RBMS3: variants seen among roughly 807,000 people sequenced by gnomAD.
RBMS3 encodes the protein RNA binding motif single stranded interacting protein 3.
In RBMS3, 27 loss-of-function variants were observed where a neutral mutation model predicts 66.8. That is an observed-to-expected ratio of 0.40 (90% CI 0.30 to 0.56). RBMS3 has a LOEUF of 0.56. Ranked by LOEUF, RBMS3 falls within the 20% of genes least tolerant of loss-of-function variation. The probability of loss-of-function intolerance (pLI) is 0.40; values close to 1 mark genes in which losing one functional copy is unlikely to be tolerated. For synonymous variants in RBMS3, 188 were observed against 183.0 expected, an observed-to-expected ratio of 1.03 and a Z score of -0.22; for missense variants, 513 against 549.5, an observed-to-expected ratio of 0.93 and a Z score of 0.66.
chr3:29,635,335 C>G (rs969777463), intron 4 of RBMS3, among the ~76,000 whole-genome samples: 1 of 151,874 alleles, frequency 6.6e-6, no homozygotes, highest in African/African-American at 2.4e-5. Context: ...GCAGCCTTCC[C>G]CATCTCAGTT....
intron 4 of RBMS3, among the ~76,000 whole-genome samples, chr3:29,624,212 G>A (rs1024030381): frequency 3.9e-5 from 6 of 152,124 alleles, no homozygotes; most frequent in African/African-American, 1.2e-4. Flanking sequence ...TTTTAAGAAA[G>A]CACTTTTAAA....
At chr3:29,986,964 C>G (rs985105235) in intron 12 of RBMS3, among the ~76,000 whole-genome samples, 1 of 152,002 alleles carries the variant, frequency 6.6e-6, no homozygotes, top group Non-Finnish European at 1.5e-5. Flanking sequence ...AAAACAACAA[C>G]AACAAAGAAA....
intron 3 of RBMS3, among the ~76,000 whole-genome samples, chr3:29,545,499 A>T (rs924136675): frequency 6.6e-6 from 1 of 152,182 alleles, no homozygotes; most frequent in East Asian, 1.9e-4. Flanking sequence ...ATAATCTTAC[A>T]TGTTGTTAAT....
intron 6 of RBMS3, among the ~76,000 whole-genome samples, chr3:29,813,970 A>G (rs2057800637): frequency 6.6e-6 from 1 of 151,878 alleles, no homozygotes; most frequent in African/African-American, 2.4e-5. Flanking sequence ...AATACCCTTT[A>G]TTTCCTTCTC....
rs1032002235 is a variant in RBMS3 at position 29,510,565 on chromosome 3, C to T, written c.307+22066C>T. ...TTGAGACCAGAAGTATTTCAGATTT[C>T]AGATTTTTTTTTCAAATCATGGAAT... On this transcript the variant is annotated intron_variant, in intron 3 of 14. Coordinates refer to ENST00000383767, the MANE Select transcript of RBMS3 (RefSeq NM_001003793.3). 8.0e-4 allele frequency among the ~76,000 whole-genome samples: 120 copies of T among 149,826 alleles called. 1 individual carries two copies. The highest frequency in any genetic ancestry group is 2.4e-4 in the Non-Finnish European group (16 of 67,818).
intron 10 of RBMS3, among the ~76,000 whole-genome samples, chr3:29,917,212 C>T (rs1210490040): frequency 6.6e-6 from 1 of 152,026 alleles, no homozygotes; most frequent in African/African-American, 2.4e-5. Context: ...ACTAAAAATG[C>T]TATGGCAAAT....
intron 1 of RBMS3, among the ~76,000 whole-genome samples, chr3:29,393,846 C>T (rs116218948): frequency 0.13 from 20,409 of 151,734 alleles, 1,708 homozygotes; most frequent in East Asian, 0.35. Flanking sequence ...GAGGTGGGTA[C>T]GAGCAGGGAG....
chr3:29,717,157 G>C (rs1026179484), intron 4 of RBMS3, among the ~76,000 whole-genome samples: 1 of 151,940 alleles, frequency 6.6e-6, no homozygotes, highest in South Asian at 2.1e-4. Flanking sequence ...CTGCAAAATA[G>C]TGATGACAAT....
At chr3:29,965,757 G>T (rs1344037514) in intron 12 of RBMS3, among the ~76,000 whole-genome samples, 1 of 152,006 alleles carries the variant, frequency 6.6e-6, no homozygotes, top group Non-Finnish European at 1.5e-5. Flanking sequence ...CTTTATCTTT[G>T]TTTTTATTGC....
At chr3:29,999,983 G>A (rs892829323) in intron 14 of RBMS3, among the ~76,000 whole-genome samples, 1 of 151,740 alleles carries the variant, frequency 6.6e-6, no homozygotes, top group Non-Finnish European at 1.5e-5. Context: ...ATAGGCATGG[G>A]CAAAGACTTC....
intron 1 of RBMS3, among the ~76,000 whole-genome samples, chr3:29,364,411 G>A (rs921910089): frequency 1.3e-5 from 2 of 152,080 alleles, no homozygotes; most frequent in Non-Finnish European, 2.9e-5. Flanking sequence ...GCTTCCAGGG[G>A]TTTTATCATA....
intron 8 of RBMS3, among the ~76,000 whole-genome samples, chr3:29,889,637 T>C (rs1010598636): frequency 6.6e-6 from 1 of 151,732 alleles, no homozygotes; most frequent in Non-Finnish European, 1.5e-5. Flanking sequence ...TGTTGCCCTA[T>C]GTTTGGCCTT....
At position 29,513,415 on chromosome 3, in the gene RBMS3, T is replaced by G. The variant is rs58072202; in HGVS notation, c.307+24916T>G. Among the ~76,000 whole-genome samples the G allele has an allele frequency of 9.8e-3, 1,497 of 152,282 alleles. 25 individuals carry two copies. Among genetic ancestry groups the G allele is most frequent in the African/African-American group, 0.034 (1,407 of 41,552 alleles). On this transcript the variant is annotated intron_variant, in intron 3 of 14. Transcript: ENST00000383767. The stretch of plus-strand genomic sequence containing the variant: ...TTTTATTTCCTCTGTGAACGATATC[T>G]CTGCAACTGAGATGAACCATTCCAA...
chr3:29,655,050 A>G (rs2050277658), intron 4 of RBMS3, among the ~76,000 whole-genome samples: 1 of 152,130 alleles, frequency 6.6e-6, no homozygotes, highest in Non-Finnish European at 1.5e-5. Flanking sequence ...TTTATTCTGT[A>G]GCCTCTTCCC....
intron 1 of RBMS3, among the ~76,000 whole-genome samples, chr3:29,283,679 G>T (rs934787845): frequency 6.6e-6 from 1 of 152,122 alleles, no homozygotes; most frequent in Non-Finnish European, 1.5e-5. Flanking sequence ...TCCATTAGGC[G>T]TCCTATGTTG....
chr3:29,744,613 C>T lies in RBMS3; in HGVS notation c.557+4736C>T, dbSNP rs757633339. On this transcript the variant is annotated intron_variant, in intron 5 of 14. Coordinates refer to ENST00000383767, the MANE Select transcript of RBMS3 (RefSeq NM_001003793.3). ...CCTGGCCAACATAGCGAAACCTCAT[C>T]GCTACTAAAAATACAAAAAAATTAG... Among the ~76,000 whole-genome samples the T allele has an allele frequency of 1.1e-4, 17 of 152,176 alleles. No homozygotes were observed. The East Asian group carries it at 1.7e-3, about 16-fold the overall frequency.
intron 2 of RBMS3, among the ~76,000 whole-genome samples, chr3:29,437,557 T>C (rs1046641505): frequency 6.6e-6 from 1 of 152,188 alleles, no homozygotes; most frequent in African/African-American, 2.4e-5. Context: ...TGTAAAAGTG[T>C]TTGTGGGTTC....
intron 1 of RBMS3, among the ~76,000 whole-genome samples, chr3:29,394,403 A>G (rs2039451445): frequency 6.6e-6 from 1 of 152,150 alleles, no homozygotes; most frequent in Non-Finnish European, 1.5e-5. Flanking sequence ...TTTACAAACA[A>G]TTTATATGGA....
At chr3:29,500,174 T>A (rs71319094) in intron 3 of RBMS3, among the ~76,000 whole-genome samples, 3,271 of 151,456 alleles carry the variant, frequency 0.022, 42 homozygotes, top group Non-Finnish European at 0.03. Flanking sequence ...AATCTTCCCA[T>A]ACATTCTTTT....
Sources: gnomAD v4.1 joint callset for allele counts (sites outside exome capture counted in the v4.1 genomes callset) on GRCh38, gnomAD v4.1.1 for gene constraint, MANE v1.5 for transcripts, NCBI Gene and HGNC (gene_info 2026-07-23, HGNC 2026-07-21) for gene names.